The following ALDH16A1 variants were observed in gnomAD, a reference collection of about 807,000 sequenced individuals.
ALDH16A1 encodes aldehyde dehydrogenase family 16 member A1.
A neutral mutation model predicts 96.1 loss-of-function variants in ALDH16A1; 88 were observed. The ratio of observed to expected loss-of-function variants is 0.92; its 90% CI spans 0.77 to 1.09. The LOEUF (loss-of-function observed/expected upper bound fraction) is 1.09, where lower values mean the gene tolerates loss of function less well. Among genes scored for constraint, ALDH16A1 ranks in the 50% least tolerant of loss-of-function variants. The probability of loss-of-function intolerance (pLI) is 0.00; values close to 1 mark genes in which losing one functional copy is unlikely to be tolerated. For synonymous variants in ALDH16A1, 522 were observed against 496.4 expected, an observed-to-expected ratio of 1.05 and a Z score of -0.69; for missense variants, 1,250 against 1,112.6, an observed-to-expected ratio of 1.12 and a Z score of -1.76.
chr19:49,465,794 GA>G lies in ALDH16A1; in HGVS notation c.1627del (p.Ser543AlafsTer84). 8 of 1,614,124 alleles carry G rather than the reference GA, an allele frequency of 5.0e-6. No individual in the cohort carries two copies. Among genetic ancestry groups the G allele is most frequent in the Non-Finnish European group, 5.9e-6 (7 of 1,180,006 alleles). On this transcript the variant is annotated frameshift_variant, in exon 13 of 17. Coordinates refer to ENST00000293350, the MANE Select transcript of ALDH16A1 (RefSeq NM_153329.4). LOFTEE classifies it high-confidence loss of function. ...GGCCGTTTCCAGGCTCCTGGGGCCCGAAGCTCCAGGCCCATCCGGGATTCGT... is the reference window on the plus strand; with the variant it reads ...GGCCGTTTCCAGGCTCCTGGGGCCCGAGCTCCAGGCCCATCCGGGATTCGT... ...VGGRFQAPGA[R>X]SSRPIRDSSG...
chr19:49,470,192 A>C, intron 16 of ALDH16A1, 114 bp from the exon 17 acceptor site: 2 of 1,302,084 alleles, frequency 1.5e-6, no homozygotes. Context: ...TTGTAGCTGC[A>C]GAGCCTGGGT....
chr19:49,460,478 G>A (rs1222627340), intron 4 of ALDH16A1, among the ~76,000 whole-genome samples: 7 of 148,066 alleles, frequency 4.7e-5, no homozygotes, highest in Non-Finnish European at 1.0e-4. Context: ...GCAGTGGTGC[G>A]ATCTCGGCTC....
In ALDH16A1 at chr19:49,470,684, T is replaced by C. The variant is rs1402976287; in HGVS notation, c.*217T>C. Reference sequence around the variant, plus strand: ...TTTTTTTTGAGACAACGTCTGGCTCTGTCACCCAGGCTGGAGCGCAGTGGC... The same window carrying C: ...TTTTTTTTGAGACAACGTCTGGCTCCGTCACCCAGGCTGGAGCGCAGTGGC... On this transcript the variant is annotated 3_prime_UTR_variant, in exon 17 of 17. Transcript: ENST00000293350. 7.5e-5 allele frequency: 34 copies of C among 450,718 alleles called. No homozygotes were observed. The highest frequency in any genetic ancestry group is 6.1e-4 in the Middle Eastern group (1 of 1,640). 27.9% of individuals were successfully genotyped at this position (450,718 alleles called of 1,614,324 possible).
chr19:49,456,864 T>C (rs1037550199), intron 1 of ALDH16A1, among the ~76,000 whole-genome samples: 1 of 152,124 alleles, frequency 6.6e-6, no homozygotes, highest in Non-Finnish European at 1.5e-5. Context: ...TCCCAGCACT[T>C]TGGGAGGCCG....
intron 14 of ALDH16A1, among the ~76,000 whole-genome samples, chr19:49,467,573 T>G (rs1337170092): frequency 6.6e-6 from 1 of 150,806 alleles, no homozygotes; most frequent in African/African-American, 2.4e-5. Flanking sequence ...TTTTTTTTTG[T>G]ATATTTAGTA....
Position 49,468,867 on chromosome 19 carries a change from A to C in ALDH16A1, c.2128A>C (p.Met710Leu). ...PLLALEVCQD[M>L]ATVFPAGLAN... ...TTTCACTCTCTCTATCCCCTAGGAC[A>C]TGGCCACCGTGTTCCCAGCAGGCCT... Residue 710 changes from methionine to leucine, a missense_variant, in exon 16 of 17, where the codon ATG becomes CTG. By Grantham distance (15) the Met-to-Leu change is conservative. Transcript: ENST00000293350. The surrounding 1 kb of genome is among the most constrained non-coding windows in gnomAD (Gnocchi z 4.4). 1.2e-6 allele frequency: 2 copies of C among 1,612,726 alleles called. No homozygotes were observed. The highest frequency in any genetic ancestry group is 1.7e-6 in the Non-Finnish European group (2 of 1,179,758).
chr19:49,461,173 AG>A, intron 5 of ALDH16A1, among the ~76,000 whole-genome samples: 1 of 64,236 alleles, frequency 1.6e-5, no homozygotes, highest in African/African-American at 6.9e-5. Context: ...CTGAGGGAGG[AG>A]GGGCTGGGGT....
chr19:49,466,392 C>A, intron 14 of ALDH16A1, 109 bp downstream of exon 14: 1 of 1,190,848 alleles, frequency 8.4e-7, no homozygotes, highest in Non-Finnish European at 1.1e-6. Context: ...CACCGCCTTC[C>A]ACGGCAGGAT....
chr19:49,467,673 T>G (rs560979351), intron 14 of ALDH16A1, among the ~76,000 whole-genome samples: 1 of 151,476 alleles, frequency 6.6e-6, no homozygotes, highest in South Asian at 2.1e-4. Flanking sequence ...GGATTACAGG[T>G]GTGAGCCACT....
chr19:49,469,526 G>A (rs1421355227), intron 16 of ALDH16A1: 2 of 151,862 alleles, frequency 1.3e-5, no homozygotes, highest in African/African-American at 2.4e-5. Context: ...TGGGATTACA[G>A]GTGTGAGCCA....
Position 49,459,614 on chromosome 19 carries a change from G to T in ALDH16A1, c.321-56G>T. 1.3e-6 allele frequency: 2 copies of T among 1,546,206 alleles called. No homozygotes were observed. The highest frequency in any genetic ancestry group is 2.5e-5 in the South Asian group (2 of 80,214). ...GTCCAGGTATATAGGAGCAGCCCAG[G>T]ACTCTGCAAGGCTGAGGGCCGTTGG... is the stretch of plus-strand genomic sequence containing the variant. On this transcript the variant is annotated intron_variant, in intron 3 of 16. Coordinates refer to ENST00000293350, the MANE Select transcript of ALDH16A1 (RefSeq NM_153329.4). This position sits in a 1 kb window ranked among gnomAD's most constrained non-coding sequence, Gnocchi z 4.1.
intron 6 of ALDH16A1, 29 bp from the exon 7 acceptor site, chr19:49,461,855 C>G: frequency 6.3e-7 from 1 of 1,596,380 alleles, no homozygotes; most frequent in Non-Finnish European, 8.5e-7. Context: ...CAAGGCTCCT[C>G]CTGCGGCTGA....
rs1308705539 is a variant in ALDH16A1 at position 49,453,533 on chromosome 19, T to C, written c.90+112T>C. ...GGTAGCTCAGCCGCTCCGCCTCTCT[T>C]AGTCCCCGTGATTCCCGCCGCCCAA... On this transcript the variant is annotated intron_variant, in intron 1 of 16. Transcript: ENST00000293350. The C allele has an allele frequency of 6.8e-6, 7 of 1,034,150 alleles. No individual in the cohort carries two copies. In the East Asian group the frequency reaches 1.3e-4, roughly 20 times the overall value. 64.1% of individuals were successfully genotyped at this position (1,034,150 alleles called of 1,614,324 possible).
In ALDH16A1 at chr19:49,461,970, G is replaced by C. The variant is rs202209926; in HGVS notation, c.846G>C (p.Thr282=). The part of the protein sequence containing the change: ...ALGTESLLLL[T]DTADVDSAVE... ...GGACGGAGTCGCTGCTGCTGCTGAC[G>C]GACACGGCGGACGTAGACTCGGCCG... is the stretch of plus-strand genomic sequence containing the variant. Residue 282 remains threonine (T), a synonymous_variant, in exon 7 of 17, where the codon ACG becomes ACC. Transcript: ENST00000293350. 3.2e-6 allele frequency: 5 copies of C among 1,555,360 alleles called. No homozygotes were observed. The South Asian group carries it at 3.5e-5, about 11-fold the overall frequency.
intron 7 of ALDH16A1, 93 bp downstream of exon 7, chr19:49,462,129 T>G: frequency 7.2e-7 from 1 of 1,391,766 alleles, no homozygotes; most frequent in Non-Finnish European, 9.4e-7. Context: ...TCATTTTATT[T>G]TATTTTATTT....
intron 1 of ALDH16A1, among the ~76,000 whole-genome samples, chr19:49,456,980 C>T (rs577987321): frequency 5.3e-5 from 8 of 151,980 alleles, no homozygotes; most frequent in African/African-American, 1.2e-4. Flanking sequence ...TGGTGGCGGC[C>T]GCCTGTAATC....
chr19:49,465,831 C>T lies in ALDH16A1; in HGVS notation c.1662C>T (p.Leu554=). Residue 554 remains leucine, a synonymous_variant, in exon 13 of 17, where the codon CTC becomes CTT. Coordinates refer to ENST00000293350, the MANE Select transcript of ALDH16A1 (RefSeq NM_153329.4). ...SRPIRDSSGN[L]HGYVAEGGAK... Reference sequence around the variant, plus strand: ...CCATCCGGGATTCGTCTGGCAACCTCCATGGCTACGTGGCTGAGGGTGGAG... The same window carrying T: ...CCATCCGGGATTCGTCTGGCAACCTTCATGGCTACGTGGCTGAGGGTGGAG... The T allele has an allele frequency of 6.2e-7, 1 of 1,614,166 alleles. No individual in the cohort carries two copies. Among genetic ancestry groups the T allele is most frequent in the South Asian group, 1.1e-5 (1 of 91,090 alleles).
At chr19:49,461,021 T>C in intron 5 of ALDH16A1, 122 bp downstream of exon 5, 3 of 1,079,926 alleles carry the variant, frequency 2.8e-6, no homozygotes, top group Non-Finnish European at 4.2e-6. Flanking sequence ...AAGGAGTCTG[T>C]GGGAGGAGGG....
intron 16 of ALDH16A1, 23 bp from the exon 17 acceptor site, chr19:49,470,283 C>T (rs757205350): frequency 1.2e-6 from 2 of 1,612,112 alleles, no homozygotes; most frequent in Non-Finnish European, 8.5e-7. Context: ...GAAGTGCTTA[C>T]CCCCGTCTCT....
Sources: allele counts gnomAD v4.1 joint callset (sites outside exome capture counted in the v4.1 genomes callset), GRCh38; gene constraint gnomAD v4.1.1; non-coding constraint Gnocchi (gnomAD v3.1); transcripts MANE v1.5; gene names NCBI Gene and HGNC (gene_info 2026-07-23, HGNC 2026-07-21).